TMEM164: variants seen among roughly 807,000 people sequenced by gnomAD.
TMEM164 encodes transmembrane protein 164, also known as RP13-360B22.2.
A neutral mutation model predicts 18.8 loss-of-function variants in TMEM164; 4 were observed. That is an observed-to-expected ratio of 0.21 (90% CI 0.10 to 0.49). The LOEUF is 0.49. TMEM164 is among the 20% of genes least tolerant of loss of function. The pLI, the probability that TMEM164 is intolerant of heterozygous loss-of-function variation, is 0.98. For missense variants in TMEM164, 108 were observed against 239.9 expected, an observed-to-expected ratio of 0.45 and a Z score of 3.63; for synonymous variants, 86 against 101.7, an observed-to-expected ratio of 0.85 and a Z score of 0.93.
intron 2 of TMEM164, chrX:110,020,584 G>A: frequency 1.3e-6 from 1 of 754,504 alleles, no homozygotes; most frequent in Non-Finnish European, 1.6e-6. Flanking sequence ...ATCCAGGAGA[G>A]GAAGGAGTTT....
chrX:110,102,042 C>T (rs1415757982), intron 3 of TMEM164, among the ~76,000 whole-genome samples: 3 of 107,529 alleles, frequency 2.8e-5, no homozygotes, highest in Non-Finnish European at 5.8e-5. Context: ...ATAAGAATTT[C>T]CAGCTGGGTG....
At chrX:110,086,055 A>G (rs916328353) in intron 3 of TMEM164, among the ~76,000 whole-genome samples, 24 of 112,245 alleles carry the variant, frequency 2.1e-4, no homozygotes, top group African/African-American at 7.4e-4. Context: ...GGGCTGCTGC[A>G]TGAATTGGCC....
intron 2 of TMEM164, among the ~76,000 whole-genome samples, chrX:110,014,744 C>CTTTTTTT (rs142705177): frequency 1.8e-4 from 10 of 54,230 alleles, no homozygotes; most frequent in African/African-American, 6.0e-4. Flanking sequence ...TTGGTTGTTT[C>CTTTTTTT]TTTTTTTTTT....
intron 2 of TMEM164, among the ~76,000 whole-genome samples, chrX:110,004,657 A>G (rs1327286978): frequency 8.9e-6 from 1 of 111,752 alleles, no homozygotes; most frequent in Non-Finnish European, 1.9e-5. Context: ...TCTCTTAATG[A>G]CTCTTTCATT....
rs1209255528 is a variant in TMEM164 at position 110,177,784 on chromosome X, G to T, written c.*4333G>T. 8.9e-6 allele frequency: 1 copy of T among 111,887 alleles called. No individual in the cohort carries two copies. Among genetic ancestry groups the T allele is most frequent in the Non-Finnish European group, 1.9e-5 (1 of 53,134 alleles). The allele number at this position is 111,887 out of a possible 1,213,427, so 9.2% of individuals were successfully genotyped here. On this transcript the variant is annotated 3_prime_UTR_variant, in exon 7 of 7. Transcript: ENST00000372068. ...CATTTACTGTTATTAAAAGATTTAT[G>T]AGAACCCAGGAGTCCTGGCCTTGCT...
At chrX:110,154,055 T>C (rs929857131) in intron 5 of TMEM164, among the ~76,000 whole-genome samples, 45 of 111,705 alleles carry the variant, frequency 4.0e-4, no homozygotes, top group African/African-American at 1.3e-3. Context: ...CTTGCAGATA[T>C]GGAGGGCCGA....
intron 5 of TMEM164, among the ~76,000 whole-genome samples, chrX:110,158,726 GC>G (rs762841560): frequency 8.9e-6 from 1 of 111,845 alleles, no homozygotes; most frequent in Non-Finnish European, 1.9e-5. Flanking sequence ...GCATTGAGAA[GC>G]TAGAGAGGAA....
Position 110,173,252 on chromosome X carries a change from A to C in TMEM164, c.695A>C (p.Glu232Ala), listed in dbSNP as rs777522960. ...CCTCCCTTGTCCCTGCAGGTCACCG[A>C]AGTGAATTTGAACAACATGCTGTGT... is the stretch of plus-strand genomic sequence containing the variant. ...SVLQILGLVT[E>A]VNLNNMLCPA... Residue 232 changes from glutamate (E) to alanine (A), a missense_variant, in exon 7 of 7, where the codon GAA becomes GCA. Transcript: ENST00000372068. 1 of 1,210,940 alleles carries C rather than the reference A, an allele frequency of 8.3e-7. No individual in the cohort carries two copies. Among genetic ancestry groups the C allele is most frequent in the Non-Finnish European group, 1.1e-6 (1 of 895,327 alleles).
At chrX:110,047,235 T>C (rs868762206) in intron 2 of TMEM164, among the ~76,000 whole-genome samples, 34 of 112,072 alleles carry the variant, frequency 3.0e-4, no homozygotes, top group African/African-American at 9.4e-4. Context: ...GTGCAGATAG[T>C]TAAAGGCTGT....
At position 110,176,476 on chromosome X, in the gene TMEM164, A is replaced by G. The variant is rs1001870863; in HGVS notation, c.*3025A>G. The G allele has an allele frequency of 8.2e-6, 6 of 734,416 alleles. No individual in the cohort carries two copies. Among genetic ancestry groups the G allele is most frequent in the Non-Finnish European group, 9.7e-6 (6 of 621,110 alleles). The allele number at this position is 734,416 out of a possible 1,213,427, so 60.5% of individuals were successfully genotyped here. ...CTTTCTCTCTCTCTCCTCAAACTTC[A>G]TCGCATTCATAGAAGCTGCTTGCAG... On this transcript the variant is annotated 3_prime_UTR_variant, in exon 7 of 7. Coordinates refer to ENST00000372068, the MANE Select transcript of TMEM164 (RefSeq NM_032227.4).
At chrX:110,164,949 G>A (rs1416344431) in intron 5 of TMEM164, among the ~76,000 whole-genome samples, 1 of 112,432 alleles carries the variant, frequency 8.9e-6, no homozygotes, top group Admixed American at 9.4e-5. Context: ...AAGAGATTGA[G>A]AACATAGGAA....
chrX:110,144,174 A>G (rs898440831), intron 4 of TMEM164, among the ~76,000 whole-genome samples: 8 of 111,831 alleles, frequency 7.2e-5, no homozygotes, highest in African/African-American at 2.6e-4. Context: ...CTGACACCCA[A>G]ATATCCAATG....
intron 3 of TMEM164, among the ~76,000 whole-genome samples, chrX:110,097,312 C>T (rs918227444): frequency 1.8e-5 from 2 of 112,115 alleles, no homozygotes; most frequent in Non-Finnish European, 3.8e-5. Context: ...GAAAGTAAAT[C>T]TTAGTGTCTG....
intron 2 of TMEM164, among the ~76,000 whole-genome samples, chrX:110,054,820 AAACACTTCTTAAT>A (rs1935740403): frequency 8.9e-6 from 1 of 111,868 alleles, no homozygotes. Flanking sequence ...CAACATTACA[AAACACTTCTTAAT>A]AAATCACCAG....
intron 4 of TMEM164, among the ~76,000 whole-genome samples, chrX:110,113,747 T>A (rs967876981): frequency 2.7e-5 from 3 of 111,209 alleles, no homozygotes; most frequent in African/African-American, 9.8e-5. Flanking sequence ...GGCACCAGGA[T>A]TTGCAAATCA....
intron 4 of TMEM164, among the ~76,000 whole-genome samples, chrX:110,143,978 T>A (rs1343492062): frequency 2.7e-5 from 3 of 112,114 alleles, no homozygotes; most frequent in Non-Finnish European, 5.6e-5. Flanking sequence ...ACAGCAGGGC[T>A]GCTGTGGCAG....
chrX:110,087,143 G>T (rs2065865358), intron 3 of TMEM164, among the ~76,000 whole-genome samples: 1 of 111,892 alleles, frequency 8.9e-6, no homozygotes, highest in Admixed American at 9.5e-5. Context: ...GTTGATCTGA[G>T]CTCTTCCCAG....
At chrX:110,043,118 A>C (rs778415060) in intron 2 of TMEM164, among the ~76,000 whole-genome samples, 4 of 111,805 alleles carry the variant, frequency 3.6e-5, no homozygotes, top group Non-Finnish European at 7.5e-5. Context: ...TACACAATCA[A>C]CTCTTTCTAG....
intron 5 of TMEM164, among the ~76,000 whole-genome samples, chrX:110,170,329 T>C (rs1054589414): frequency 8.8e-6 from 1 of 113,002 alleles, no homozygotes; most frequent in Non-Finnish European, 1.9e-5. Context: ...GTGTTGTAGT[T>C]GTTGACTGTG....
Sources: allele counts gnomAD v4.1 joint callset (sites outside exome capture counted in the v4.1 genomes callset), GRCh38; gene constraint gnomAD v4.1.1; transcripts MANE v1.5; gene names NCBI Gene and HGNC (gene_info 2026-07-23, HGNC 2026-07-21).